The following LRRC8B variants were observed in gnomAD, a reference collection of about 807,000 sequenced individuals.
LRRC8B encodes the protein volume-regulated anion channel subunit LRRC8B.
Under a neutral mutation model 58.8 loss-of-function variants are expected in LRRC8B, and 23 were observed. The observed-to-expected ratio is 0.39, with a 90% CI of 0.28 to 0.55. The LOEUF is 0.55. Among genes scored for constraint, LRRC8B ranks in the 20% least tolerant of loss-of-function variants. The pLI is 0.62. For missense variants in LRRC8B, 694 were observed against 936.0 expected (o/e 0.74, Z 3.37); for synonymous variants, 359 against 374.1 (o/e 0.96, Z 0.47).
chr1:89,590,483 C>T (rs535693043), intron 5 of LRRC8B, among the ~76,000 whole-genome samples: 4 of 152,342 alleles, frequency 2.6e-5, no homozygotes, highest in African/African-American at 7.2e-5. Context: ...ACATAGCCAG[C>T]GCAGCCCTTG....
intron 5 of LRRC8B, among the ~76,000 whole-genome samples, chr1:89,585,481 G>GAGGAAAA (rs1654553452): frequency 6.6e-6 from 1 of 152,102 alleles, no homozygotes; most frequent in African/African-American, 2.4e-5. Context: ...TATGGAGGAG[G>GAGGAAAA]AGGAAAAAGG....
In LRRC8B at chr1:89,583,302, A is replaced by G; in HGVS notation, c.652A>G (p.Ile218Val). 1.2e-6 allele frequency: 2 copies of G among 1,614,230 alleles called. No individual in the cohort carries two copies. Among genetic ancestry groups the G allele is most frequent in the Admixed American group, 1.7e-5 (1 of 60,030 alleles). ...YPQPGLESAG[I>V]ESPTSSVLDK... ...ACAGCCAGGTTTGGAGTCAGCTGGC[A>G]TAGAAAGCCCAACTTCCAGTGTCCT... Residue 218 changes from isoleucine (I) to valine (V), a missense_variant, in exon 5 of 6, where the codon ATA becomes GTA. Physicochemically the swap from Ile to Val is conservative, Grantham distance 29. Transcript: ENST00000330947. This position sits in a 1 kb window ranked among gnomAD's most constrained non-coding sequence, Gnocchi z 5.2.
chr1:89,527,310 A>T (rs1557587467), intron 1 of LRRC8B, among the ~76,000 whole-genome samples: 1 of 152,170 alleles, frequency 6.6e-6, no homozygotes, highest in Non-Finnish European at 1.5e-5. Context: ...TCTAAAGTTG[A>T]ATTCTCTAAT....
chr1:89,556,898 C>T (rs1652231814), intron 1 of LRRC8B, among the ~76,000 whole-genome samples: 1 of 152,206 alleles, frequency 6.6e-6, no homozygotes, highest in South Asian at 2.1e-4. Flanking sequence ...CACCTTCCTC[C>T]ATGGAAAATA....
chr1:89,572,623 G>GA (rs1273162107), intron 3 of LRRC8B: 1 of 152,196 alleles, frequency 6.6e-6, no homozygotes, highest in Non-Finnish European at 1.5e-5. Context: ...GTGAGAGTGT[G>GA]ATTCAGAAGG....
At chr1:89,586,249 A>C (rs1654615690) in intron 5 of LRRC8B, among the ~76,000 whole-genome samples, 1 of 152,212 alleles carries the variant, frequency 6.6e-6, no homozygotes, top group African/African-American at 2.4e-5. Context: ...AGAAGTCCCC[A>C]GGTGGAGCTG....
chr1:89,562,266 C>T (rs1652728967), intron 1 of LRRC8B, among the ~76,000 whole-genome samples: 1 of 151,768 alleles, frequency 6.6e-6, no homozygotes, highest in African/African-American at 2.4e-5. Context: ...TATTGCCGTC[C>T]TTGATGCCTT....
intron 3 of LRRC8B, among the ~76,000 whole-genome samples, chr1:89,576,784 A>G (rs1197030256): frequency 6.6e-6 from 1 of 152,206 alleles, no homozygotes; most frequent in South Asian, 2.1e-4. Context: ...AAATCACTGT[A>G]CTAACAAGAT....
intron 1 of LRRC8B, among the ~76,000 whole-genome samples, chr1:89,542,895 T>C (rs1651120041): frequency 6.6e-6 from 1 of 152,240 alleles, no homozygotes; most frequent in East Asian, 1.9e-4. Flanking sequence ...TTGTTTTGTC[T>C]TATGTACTGG....
At chr1:89,535,615 T>C (rs1650470476) in intron 1 of LRRC8B, among the ~76,000 whole-genome samples, 1 of 152,190 alleles carries the variant, frequency 6.6e-6, no homozygotes, top group Admixed American at 6.5e-5. Context: ...ATTACCGTCA[T>C]CCATTTTAAG....
At chr1:89,550,690 C>T (rs965890724) in intron 1 of LRRC8B, among the ~76,000 whole-genome samples, 1 of 152,194 alleles carries the variant, frequency 6.6e-6, no homozygotes, top group Non-Finnish European at 1.5e-5. Context: ...GAGCCTTTCA[C>T]CAGCCCAACT....
chr1:89,544,174 G>A lies in LRRC8B; in HGVS notation c.-241+19152G>A, dbSNP rs548169200. 4.6e-5 allele frequency among the ~76,000 whole-genome samples: 7 copies of A among 152,192 alleles called. 1 individual carries two copies. The South Asian group carries it at 1.5e-3, about 32-fold the overall frequency. ...CATAGTTATTTGGTGTGTGCAGTAG[G>A]GTTTCATGAGAAGGGAAGGGAAATG... On this transcript the variant is annotated intron_variant, in intron 1 of 5. Coordinates refer to ENST00000330947, the MANE Select transcript of LRRC8B (RefSeq NM_001369817.2).
chr1:89,529,849 A>G (rs1161177335), intron 1 of LRRC8B, among the ~76,000 whole-genome samples: 1 of 151,808 alleles, frequency 6.6e-6, no homozygotes, highest in Non-Finnish European at 1.5e-5. Flanking sequence ...CCACCATTTA[A>G]TTTATTTCAC....
At chr1:89,527,978 G>C (rs1649825035) in intron 1 of LRRC8B, among the ~76,000 whole-genome samples, 1 of 152,196 alleles carries the variant, frequency 6.6e-6, no homozygotes, top group Admixed American at 6.5e-5. Flanking sequence ...ATAAAAATGA[G>C]TTGTCAGGGC....
At chr1:89,569,392 G>A (rs1653274214) in intron 3 of LRRC8B, among the ~76,000 whole-genome samples, 1 of 152,096 alleles carries the variant, frequency 6.6e-6, no homozygotes, top group Non-Finnish European at 1.5e-5. Context: ...GATGTTGGGA[G>A]TAAGGATGAT....
chr1:89,577,681 A>G (rs10922669), intron 3 of LRRC8B, among the ~76,000 whole-genome samples: 60,069 of 151,766 alleles, frequency 0.4, 13,294 homozygotes, highest in South Asian at 0.55. Context: ...TTTTATATAT[A>G]CTTAAATCCA....
intron 1 of LRRC8B, among the ~76,000 whole-genome samples, chr1:89,543,542 C>A (rs143574444): frequency 1.0e-3 from 153 of 151,776 alleles, no homozygotes; most frequent in African/African-American, 3.5e-3. Flanking sequence ...GTCACCTGGG[C>A]TGGAGTGCAG....
intron 1 of LRRC8B, among the ~76,000 whole-genome samples, chr1:89,553,801 A>G (rs1651986509): frequency 6.6e-6 from 1 of 152,218 alleles, no homozygotes; most frequent in South Asian, 2.1e-4. Context: ...ACCTAGATAT[A>G]TACCCTAATA....
chr1:89,534,003 T>G (rs562235988), intron 1 of LRRC8B, among the ~76,000 whole-genome samples: 4 of 152,358 alleles, frequency 2.6e-5, no homozygotes, highest in Non-Finnish European at 4.4e-5. Context: ...GTTCCAGATT[T>G]AGCAACTTGT....
Sources: gnomAD v4.1 joint callset for allele counts (sites outside exome capture counted in the v4.1 genomes callset) on GRCh38, gnomAD v4.1.1 for gene constraint, Gnocchi (gnomAD v3.1) non-coding constraint, MANE v1.5 for transcripts, NCBI Gene and HGNC (gene_info 2026-07-23, HGNC 2026-07-21) for gene names.